EXOC2: variants seen among roughly 807,000 people sequenced by gnomAD.
EXOC2 encodes the protein exocyst complex component 2.
EXOC2 carries 70 observed loss-of-function variants against 131.8 expected under a neutral mutation model. That is an observed-to-expected ratio of 0.53 (90% CI 0.44 to 0.65). The LOEUF (loss-of-function observed/expected upper bound fraction) is 0.65. Among genes scored for constraint, EXOC2 ranks in the 30% least tolerant of loss-of-function variants. EXOC2 has a pLI of 0.00. For synonymous variants in EXOC2, 411 were observed against 398.4 expected (o/e 1.03, Z -0.38); for missense variants, 923 against 1,108.6 (o/e 0.83, Z 2.38).
intron 22 of EXOC2, among the ~76,000 whole-genome samples, chr6:535,815 A>G (rs1766408591): frequency 6.6e-6 from 1 of 152,208 alleles, no homozygotes; most frequent in African/African-American, 2.4e-5. Flanking sequence ...GTATAACCCT[A>G]ATATCCAAAC....
chr6:687,570 C>T (rs1764721595), intron 1 of EXOC2, among the ~76,000 whole-genome samples: 1 of 151,492 alleles, frequency 6.6e-6, no homozygotes, highest in Admixed American at 6.6e-5. Context: ...CAAAAGATGA[C>T]AGTATTGGAC....
At chr6:651,862 T>C (rs1762847217) in intron 1 of EXOC2, among the ~76,000 whole-genome samples, 1 of 151,492 alleles carries the variant, frequency 6.6e-6, no homozygotes, top group African/African-American at 2.4e-5. Context: ...TCGAGACCAG[T>C]CTGATGAACA....
At chr6:631,265 T>C (rs764811062) in intron 3 of EXOC2, among the ~76,000 whole-genome samples, 11 of 152,060 alleles carry the variant, frequency 7.2e-5, no homozygotes, top group South Asian at 2.1e-4. Context: ...ACTGGCCGGG[T>C]GCAGTAGCTC....
At chr6:486,825 A>G (rs191843390) in intron 27 of EXOC2, 61 bp from the exon 28 acceptor site, 8 of 1,366,810 alleles carry the variant, frequency 5.9e-6, no homozygotes, top group African/African-American at 4.3e-5. Flanking sequence ...CAACGCAAGA[A>G]AACACCAGGG....
intron 11 of EXOC2, among the ~76,000 whole-genome samples, chr6:589,973 G>A (rs1358804774): frequency 6.6e-6 from 1 of 152,216 alleles, no homozygotes; most frequent in Admixed American, 6.5e-5. Flanking sequence ...AAATTAGCTA[G>A]GCGTGGTAGC....
chr6:571,727 C>G lies in EXOC2; in HGVS notation c.1443+793G>C, dbSNP rs554735063. 3.9e-5 allele frequency among the ~76,000 whole-genome samples: 6 copies of G among 152,350 alleles called. No homozygotes were observed. The South Asian group carries it at 1.2e-3, about 32-fold the overall frequency. On this transcript the variant is annotated intron_variant, in intron 13 of 27. Coordinates refer to ENST00000230449, the MANE Select transcript of EXOC2 (RefSeq NM_018303.6). Reference sequence around the variant, plus strand: ...GCCTTTACTCTCAGAAGACCCCTATCTCCCCCAGAGCTCTTGGTGTAGAGT... The same window carrying G: ...GCCTTTACTCTCAGAAGACCCCTATGTCCCCCAGAGCTCTTGGTGTAGAGT...
chr6:546,961 T>A (rs1191328096), intron 22 of EXOC2, among the ~76,000 whole-genome samples: 1 of 152,214 alleles, frequency 6.6e-6, no homozygotes, highest in Non-Finnish European at 1.5e-5. Context: ...TTCTTTAAGA[T>A]GCATGGTGCT....
At chr6:492,975 G>A (rs1763523709) in intron 25 of EXOC2, among the ~76,000 whole-genome samples, 1 of 152,200 alleles carries the variant, frequency 6.6e-6, no homozygotes, top group Non-Finnish European at 1.5e-5. Context: ...GAATAAGTGT[G>A]ATCTGACATA....
chr6:685,620 T>C (rs7773733), intron 1 of EXOC2, among the ~76,000 whole-genome samples: 21,746 of 152,140 alleles, frequency 0.14, 1,719 homozygotes, highest in African/African-American at 0.21. Context: ...GTGGGACAAG[T>C]CTCAGAGACA....
chr6:603,496 TGTCA>T (rs1039599444), intron 7 of EXOC2, among the ~76,000 whole-genome samples: 7 of 152,314 alleles, frequency 4.6e-5, no homozygotes, highest in East Asian at 1.9e-4. Context: ...CAAGAGCAAC[TGTCA>T]GTATCTCTTC....
At chr6:658,674 T>TATATATATATATATATATATATA (rs1763274350) in intron 1 of EXOC2, among the ~76,000 whole-genome samples, 1 of 137,770 alleles carries the variant, frequency 7.3e-6, no homozygotes, top group Non-Finnish European at 1.6e-5. Context: ...TATTTTTTTT[T>TATATATATATATATATATATATA]TTTTTAGACG....
At chr6:554,672 A>G (rs1757326203) in intron 20 of EXOC2, among the ~76,000 whole-genome samples, 1 of 152,234 alleles carries the variant, frequency 6.6e-6, no homozygotes, top group South Asian at 2.1e-4. Context: ...GTGTCAGAGC[A>G]TAAAGTACAC....
chr6:632,336 A>C (rs1761896074), intron 3 of EXOC2, among the ~76,000 whole-genome samples: 1 of 152,236 alleles, frequency 6.6e-6, no homozygotes. Flanking sequence ...AAAGAGCATG[A>C]CTTCTCAGAC....
chr6:495,781 G>A (rs1158278878), intron 25 of EXOC2, among the ~76,000 whole-genome samples: 1 of 152,130 alleles, frequency 6.6e-6, no homozygotes, highest in Non-Finnish European at 1.5e-5. Flanking sequence ...GCTAACTAAC[G>A]ATGTTGTTCA....
At chr6:599,016 T>G (rs2127641125) in intron 8 of EXOC2, 64 bp downstream of exon 8, 9 of 1,562,560 alleles carry the variant, frequency 5.8e-6, no homozygotes, top group Middle Eastern at 1.7e-4. Context: ...AAAAAACATC[T>G]TAAAAAATCT....
At chr6:502,408 A>G (rs924860987) in intron 23 of EXOC2, among the ~76,000 whole-genome samples, 4 of 152,112 alleles carry the variant, frequency 2.6e-5, no homozygotes, top group Non-Finnish European at 4.4e-5. Context: ...GCTGACTAAA[A>G]AGCAGAAAAT....
chr6:613,140 A>G (rs1760800763), intron 6 of EXOC2, among the ~76,000 whole-genome samples: 1 of 152,176 alleles, frequency 6.6e-6, no homozygotes, highest in Non-Finnish European at 1.5e-5. Flanking sequence ...GACAGAGGGA[A>G]GGCCATGGCA....
intron 6 of EXOC2, among the ~76,000 whole-genome samples, chr6:616,511 G>A (rs934401681): frequency 2.6e-4 from 38 of 148,614 alleles, no homozygotes; most frequent in African/African-American, 9.4e-4. Flanking sequence ...GCTGAGGCAG[G>A]AGAATGGCGT....
chr6:651,208 T>C (rs1318683997), intron 1 of EXOC2, among the ~76,000 whole-genome samples: 1 of 151,878 alleles, frequency 6.6e-6, no homozygotes, highest in African/African-American at 2.4e-5. Context: ...TTTTTTTTTG[T>C]ATTTTTAATA....
Sources: gnomAD v4.1 joint callset for allele counts (sites outside exome capture counted in the v4.1 genomes callset) on GRCh38, gnomAD v4.1.1 for gene constraint, MANE v1.5 for transcripts, NCBI Gene and HGNC (gene_info 2026-07-23, HGNC 2026-07-21) for gene names.